The following FAM20C variants were observed in gnomAD, a reference collection of about 807,000 sequenced individuals.
The protein encoded by FAM20C is extracellular serine/threonine protein kinase FAM20C.
A neutral mutation model predicts 51.5 loss-of-function variants in FAM20C; 40 were observed. The observed-to-expected ratio is 0.78, with a 90% CI of 0.60 to 1.01. The LOEUF is 1.01. Among genes scored for constraint, FAM20C ranks in the 50% least tolerant of loss-of-function variants. The pLI, the probability that FAM20C is intolerant of heterozygous loss-of-function variation, is 0.00. For missense variants in FAM20C, 861 were observed against 844.7 expected (o/e 1.02, Z -0.24); for synonymous variants, 406 against 380.6 (o/e 1.07, Z -0.78).
chr7:220,020 C>G (rs56413933), intron 3 of FAM20C, among the ~76,000 whole-genome samples: 3 of 152,102 alleles, frequency 2.0e-5, no homozygotes, highest in African/African-American at 7.2e-5. Context: ...CCTCCAAGCC[C>G]GCTCCTCACC....
Position 259,956 on chromosome 7 carries a change from G to T in FAM20C, c.1731G>T (p.Glu577Asp). The change falls in exon 10 of 10, where the codon GAG becomes GAT. Residue 577 changes from glutamate (E) to aspartate (D), a missense_variant. Transcript: ENST00000313766. ...TGGTGGATGACGACCTGGACACTGA[G>T]CACAGAGCCGCCTCGGCGAGGTAGT... The part of the protein sequence containing the change: ...HSVVDDDLDT[E>D]HRAASAR 4.6e-6 allele frequency: 7 copies of T among 1,521,432 alleles called. No homozygotes were observed. In the Middle Eastern group the frequency reaches 6.8e-4, roughly 148 times the overall value. 94.2% of individuals were successfully genotyped at this position (1,521,432 alleles called of 1,614,324 possible).
intron 4 of FAM20C, among the ~76,000 whole-genome samples, chr7:247,999 CTTTAA>C (rs1328622335): frequency 1.3e-5 from 2 of 152,250 alleles, no homozygotes; most frequent in Non-Finnish European, 2.9e-5. Flanking sequence ...AAAGTGGCTC[CTTTAA>C]TTTAATTTTG....
chr7:228,952 T>C (rs2115112932), intron 3 of FAM20C: 1 of 395,172 alleles, frequency 2.5e-6, no homozygotes, highest in South Asian at 1.8e-5. Context: ...ATCTTGTTCA[T>C]GGATGGGGAT....
At chr7:226,002 G>A (rs922635084) in intron 3 of FAM20C, among the ~76,000 whole-genome samples, 5 of 151,940 alleles carry the variant, frequency 3.3e-5, no homozygotes, top group Non-Finnish European at 5.9e-5. Context: ...TGTCCCCTGA[G>A]CCTTCTCTCA....
At chr7:253,662 G>GCTTCCTTGTGTCATTCCCGCGGCTTCCTT in intron 5 of FAM20C, among the ~76,000 whole-genome samples, 1 of 152,070 alleles carries the variant, frequency 6.6e-6, no homozygotes, top group African/African-American at 2.4e-5. Context: ...CCGCTTCCCG[G>GCTTCCTTGTGTCATTCCCGCGGCTTCCTT]GCGAGGGGCT....
In FAM20C at chr7:251,119, G is replaced by A. The variant is rs541991241; in HGVS notation, c.1072+2689G>A. 1.6e-4 allele frequency among the ~76,000 whole-genome samples: 24 copies of A among 152,308 alleles called. No individual in the cohort carries two copies. The South Asian group carries it at 3.7e-3, about 24-fold the overall frequency. On this transcript the variant is annotated intron_variant, in intron 5 of 9. Transcript: ENST00000313766. The stretch of plus-strand genomic sequence containing the variant: ...TAAAATGAGCCTGTGGGGGCAGGTC[G>A]TTTCCTCCCCGTTTCTAAGGTCTTA...
rs551899767 is a variant in FAM20C at position 254,611 on chromosome 7, A to AT, written c.1073-1237dup. Among the ~76,000 whole-genome samples, 264 of 152,326 alleles carry AT rather than the reference A, an allele frequency of 1.7e-3. 2 individuals carry two copies. The highest frequency in any genetic ancestry group is 5.8e-3 in the African/African-American group (242 of 41,570). On this transcript the variant is annotated intron_variant, in intron 5 of 9. Coordinates refer to ENST00000313766, the MANE Select transcript of FAM20C (RefSeq NM_020223.4). ...TTCTTTCTTTATTAAGGTATAATTC[A>AT]TGTACCACAAAATTTACCATTTAAA...
At chr7:202,233 G>T (rs1228877355) in intron 2 of FAM20C, among the ~76,000 whole-genome samples, 1 of 152,088 alleles carries the variant, frequency 6.6e-6, no homozygotes, top group Non-Finnish European at 1.5e-5. Context: ...GGGGAATGGG[G>T]CTTGTGGACA....
At chr7:206,098 C>T (rs1238685250) in intron 2 of FAM20C, among the ~76,000 whole-genome samples, 6 of 152,160 alleles carry the variant, frequency 3.9e-5, no homozygotes, top group East Asian at 1.9e-4. Flanking sequence ...GGAGCGTCTC[C>T]GTCATCCCAG....
At chr7:208,799 C>A in intron 2 of FAM20C, 99 bp from the exon 3 acceptor site, 2 of 1,261,092 alleles carry the variant, frequency 1.6e-6, no homozygotes, top group Admixed American at 4.2e-5. Flanking sequence ...TGGACCATGC[C>A]CAGAGGACCC....
At chr7:234,414 G>A (rs1385710938) in intron 3 of FAM20C, among the ~76,000 whole-genome samples, 8 of 145,146 alleles carry the variant, frequency 5.5e-5, no homozygotes, top group African/African-American at 2.3e-4. Context: ...AGGCAGTGGT[G>A]GGGGGTCCCA....
At chr7:214,962 G>C (rs2115081027) in intron 3 of FAM20C, among the ~76,000 whole-genome samples, 1 of 152,214 alleles carries the variant, frequency 6.6e-6, no homozygotes, top group Admixed American at 6.5e-5. Context: ...TGGGAACACA[G>C]ATGTGACTCA....
In FAM20C at chr7:204,291, GGCTGGC is replaced by G. The variant is rs1321358307; in HGVS notation, c.785-4605_785-4600del. Reference sequence around the variant, plus strand: ...AGCCTCGAGCTGCTGGCCCGCCTGAGGCTGGCGTTCAGGTTCTGTGCAGTGTTTTGG... The same window carrying G: ...AGCCTCGAGCTGCTGGCCCGCCTGAGGTTCAGGTTCTGTGCAGTGTTTTGG... On this transcript the variant is annotated intron_variant, in intron 2 of 9. Coordinates refer to ENST00000313766, the MANE Select transcript of FAM20C (RefSeq NM_020223.4). Among the ~76,000 whole-genome samples the G allele has an allele frequency of 3.2e-4, 48 of 152,352 alleles. No homozygotes were observed. The Middle Eastern group carries it at 0.014, about 43-fold the overall frequency.
At chr7:249,233 C>G (rs191773822) in intron 5 of FAM20C, among the ~76,000 whole-genome samples, 1,552 of 152,324 alleles carry the variant, frequency 0.01, 22 homozygotes, top group Middle Eastern at 0.024. Context: ...CGGCCTCCCC[C>G]GCCTCGGCGA....
chr7:204,722 C>A (rs1022173170), intron 2 of FAM20C, among the ~76,000 whole-genome samples: 39 of 152,192 alleles, frequency 2.6e-4, no homozygotes, highest in African/African-American at 9.4e-4. Flanking sequence ...GGAAGTGGCA[C>A]CTGTGTGGCC....
intron 3 of FAM20C, among the ~76,000 whole-genome samples, chr7:231,180 T>C (rs972987040): frequency 8.5e-5 from 13 of 152,222 alleles, no homozygotes; most frequent in African/African-American, 2.6e-4. Context: ...CCAACCATCA[T>C]GCAGACGGGA....
At chr7:253,670 G>A (rs1214573800) in intron 5 of FAM20C, among the ~76,000 whole-genome samples, 2 of 152,222 alleles carry the variant, frequency 1.3e-5, no homozygotes, top group African/African-American at 2.4e-5. Flanking sequence ...CGGGCGAGGG[G>A]CTGGGCACAG....
chr7:207,635 G>A (rs971517192), intron 2 of FAM20C, among the ~76,000 whole-genome samples: 1 of 152,246 alleles, frequency 6.6e-6, no homozygotes, highest in African/African-American at 2.4e-5. Context: ...CGGCAGGGAT[G>A]CCCGGCTCTT....
At chr7:216,706 AGTGTGT>A (rs140397697) in intron 3 of FAM20C, among the ~76,000 whole-genome samples, 4 of 148,300 alleles carry the variant, frequency 2.7e-5, no homozygotes, top group African/African-American at 5.0e-5. Flanking sequence ...TGTGAGACAG[AGTGTGT>A]GTGTGTGTGT....
Sources: allele counts gnomAD v4.1 joint callset (sites outside exome capture counted in the v4.1 genomes callset), GRCh38; gene constraint gnomAD v4.1.1; transcripts MANE v1.5; gene names NCBI Gene and HGNC (gene_info 2026-07-23, HGNC 2026-07-21).